The following HUNK variants were observed in gnomAD, a reference collection of about 807,000 sequenced individuals.
HUNK encodes hormonally up-regulated neu tumor-associated kinase.
A neutral mutation model predicts 61.0 loss-of-function variants in HUNK; 21 were observed. That is an observed-to-expected ratio of 0.34 (90% CI 0.24 to 0.50). The LOEUF (loss-of-function observed/expected upper bound fraction) is 0.50. HUNK is among the 20% of genes least tolerant of loss of function. The pLI is 0.98. For missense variants in HUNK, 772 were observed against 945.7 expected (o/e 0.82, Z 2.41); for synonymous variants, 371 against 386.1 (o/e 0.96, Z 0.46).
Position 31,999,378 on chromosome 21 carries a change from G to A in HUNK, c.*194G>A, listed in dbSNP as rs143357836. ...CCCAGAGATGCTGGAATCGCTAGGAGGGTTGGCTCCAGGGGCAGCCAATTC... is the reference window on the plus strand; with the variant it reads ...CCCAGAGATGCTGGAATCGCTAGGAAGGTTGGCTCCAGGGGCAGCCAATTC... On this transcript the variant is annotated 3_prime_UTR_variant, in exon 11 of 11. Transcript: ENST00000270112. 1,279 of 554,636 alleles carry A rather than the reference G, an allele frequency of 2.3e-3. 15 individuals carry two copies. The highest frequency in any genetic ancestry group is 0.021 in the African/African-American group (1,135 of 53,390). The allele number at this position is 554,636 out of a possible 1,614,324, so 34.4% of individuals were successfully genotyped here.
At chr21:31,896,473 A>C (rs1195450400) in intron 1 of HUNK, among the ~76,000 whole-genome samples, 1 of 152,214 alleles carries the variant, frequency 6.6e-6, no homozygotes, top group Non-Finnish European at 1.5e-5. Flanking sequence ...CGATACCTGG[A>C]AACAATCTCC....
chr21:31,886,209 G>C (rs2052344673), intron 1 of HUNK, among the ~76,000 whole-genome samples: 1 of 152,056 alleles, frequency 6.6e-6, no homozygotes. Context: ...ATCACCTGAG[G>C]TCAGGAGTTT....
chr21:31,999,442 A>C lies in HUNK; in HGVS notation c.*258A>C. 1 of 425,738 alleles carries C rather than the reference A, an allele frequency of 2.3e-6. No homozygotes were observed. The allele number at this position is 425,738 out of a possible 1,614,324, so 26.4% of individuals were successfully genotyped here. A position where few individuals can be genotyped will look rare whatever the true frequency, so the allele number is the denominator to read the frequency against. ...CTTCCTTCCTCCCAAGTACTCACCA[A>C]CCCCTTCCACTTCCCACTTCCCCCA... On this transcript the variant is annotated 3_prime_UTR_variant, in exon 11 of 11. Coordinates refer to ENST00000270112, the MANE Select transcript of HUNK (RefSeq NM_014586.2).
chr21:31,907,801 C>T (rs781411449), intron 1 of HUNK, among the ~76,000 whole-genome samples: 2 of 152,000 alleles, frequency 1.3e-5, no homozygotes, highest in Non-Finnish European at 2.9e-5. Context: ...ACCAGCCTGG[C>T]CAACATGGAG....
chr21:31,958,026 G>A lies in HUNK; in HGVS notation c.747-817G>A, dbSNP rs2052901043. ...TGTATTGTTTGGTCAGCCTTTTCCA[G>A]GTACCACCTTGTAAGCCATCCTTGG... is the stretch of plus-strand genomic sequence containing the variant. On this transcript the variant is annotated intron_variant, in intron 4 of 10. Transcript: ENST00000270112. Among the ~76,000 whole-genome samples the A allele has an allele frequency of 1.3e-5, 2 of 152,150 alleles. 1 individual carries two copies. The highest frequency in any genetic ancestry group is 4.1e-4 in the South Asian group (2 of 4,830).
chr21:31,939,399 G>GTTTTT lies in HUNK; in HGVS notation c.555-744_555-740dup, dbSNP rs398036365. On this transcript the variant is annotated intron_variant, in intron 2 of 10. Coordinates refer to ENST00000270112, the MANE Select transcript of HUNK (RefSeq NM_014586.2). ...TCATCAATTAAGTTGGCTTTCATGTGTTTTTTTTTTTTTTTTTTTTTTTTT... is the reference window on the plus strand; with the variant it reads ...TCATCAATTAAGTTGGCTTTCATGTGTTTTTTTTTTTTTTTTTTTTTTTTTTTTTT... Among the ~76,000 whole-genome samples, 3 of 66,720 alleles carry GTTTTT rather than the reference G, an allele frequency of 4.5e-5. 1 individual carries two copies. Among genetic ancestry groups the GTTTTT allele is most frequent in the African/African-American group, 1.4e-4 (2 of 14,054 alleles). 43.8% of individuals were successfully genotyped at this position (66,720 alleles called of 152,430 possible).
intron 3 of HUNK, 55 bp downstream of exon 3, chr21:31,940,275 GT>G: frequency 8.8e-7 from 1 of 1,132,992 alleles, no homozygotes; most frequent in Non-Finnish European, 1.3e-6. Context: ...TGTGTTGTCA[GT>G]TCTCAACTTT....
intron 2 of HUNK, among the ~76,000 whole-genome samples, chr21:31,934,981 A>C (rs1601386105): frequency 6.6e-6 from 1 of 152,040 alleles, no homozygotes; most frequent in African/African-American, 2.4e-5. Flanking sequence ...GGGTAGAATG[A>C]TTGATTTTCA....
rs928699384 is a variant in HUNK, at chr21:31,903,887, T to C, written c.262-20581T>C. On this transcript the variant is annotated intron_variant, in intron 1 of 10. Coordinates refer to ENST00000270112, the MANE Select transcript of HUNK (RefSeq NM_014586.2). ...ATCTAATGGGATCAACAGTATTGGT[T>C]GAAAGTCATTAGTTTCTTCTTTTTG... Among the ~76,000 whole-genome samples, 5 of 152,248 alleles carry C rather than the reference T, an allele frequency of 3.3e-5. No homozygotes were observed. In the East Asian group the frequency reaches 9.6e-4, roughly 29 times the overall value.
Position 31,998,649 on chromosome 21 carries a change from C to G in HUNK, c.1610C>G (p.Pro537Arg), listed in dbSNP as rs752844375. The change falls in exon 11 of 11, where the codon CCC becomes CGC. Residue 537 changes from proline to arginine, a missense_variant. Coordinates refer to ENST00000270112, the MANE Select transcript of HUNK (RefSeq NM_014586.2). ...CCGAGGATTGTGAAGAAACCGGAGC[C>G]CCATCAGCCAGGGCCCGGAAGCACT... ...RTPRIVKKPEPHQPGPGSTGI... is the reference protein window; with the variant it reads ...RTPRIVKKPERHQPGPGSTGI... 4 of 1,614,142 alleles carry G rather than the reference C, an allele frequency of 2.5e-6. No homozygotes were observed. In the South Asian group the frequency reaches 4.4e-5, roughly 18 times the overall value.
intron 1 of HUNK, among the ~76,000 whole-genome samples, chr21:31,902,043 A>G (rs2052471597): frequency 6.6e-6 from 1 of 152,184 alleles, no homozygotes; most frequent in Non-Finnish European, 1.5e-5. Flanking sequence ...GACCACAGTC[A>G]TGAAGCCATA....
chr21:31,899,562 C>T (rs898686152), intron 1 of HUNK, among the ~76,000 whole-genome samples: 2 of 152,204 alleles, frequency 1.3e-5, no homozygotes, highest in Non-Finnish European at 2.9e-5. Flanking sequence ...CAAATAAGGT[C>T]ACATTCTGAG....
chr21:31,879,547 G>A (rs1441965326), intron 1 of HUNK, among the ~76,000 whole-genome samples: 6 of 152,164 alleles, frequency 3.9e-5, no homozygotes, highest in East Asian at 1.9e-4. Context: ...GTGCAGAAAC[G>A]GTGCCCACGG....
rs1422986453 is a variant in HUNK, at chr21:32,003,419, C to T, written c.*4235C>T. The T allele has an allele frequency of 1.3e-5, 2 of 152,302 alleles. No homozygotes were observed. The highest frequency in any genetic ancestry group is 3.9e-4 in the East Asian group (2 of 5,178). The allele number at this position is 152,302 out of a possible 1,614,324, so 9.4% of individuals were successfully genotyped here. The stretch of plus-strand genomic sequence containing the variant: ...GTTTTACTAGATTAAATCAATAAAA[C>T]ATTTCCTATAGAGCCATATCATACA... On this transcript the variant is annotated 3_prime_UTR_variant, in exon 11 of 11. Transcript: ENST00000270112.
At chr21:31,932,765 C>G (rs1316519659) in intron 2 of HUNK, among the ~76,000 whole-genome samples, 1 of 152,060 alleles carries the variant, frequency 6.6e-6, no homozygotes, top group Non-Finnish European at 1.5e-5. Flanking sequence ...GTGGCCTCTT[C>G]TCTGCTGAGC....
At chr21:31,886,159 C>T (rs1047451082) in intron 1 of HUNK, among the ~76,000 whole-genome samples, 4 of 152,186 alleles carry the variant, frequency 2.6e-5, no homozygotes, top group African/African-American at 7.2e-5. Context: ...CAGTGGCTCA[C>T]GCCTATAATC....
chr21:31,913,864 C>T (rs1042721207), intron 1 of HUNK, among the ~76,000 whole-genome samples: 6 of 151,772 alleles, frequency 4.0e-5, no homozygotes, highest in African/African-American at 7.3e-5. Context: ...CTCCGGGTGC[C>T]AGGGACCCTG....
At chr21:31,968,204 C>T (rs1029425810) in intron 5 of HUNK, 46 bp from the exon 6 acceptor site, 13 of 1,611,356 alleles carry the variant, frequency 8.1e-6, no homozygotes, top group East Asian at 4.5e-5. Flanking sequence ...CTGGTGTCTG[C>T]GTTCAGCCTG....
chr21:31,992,976 T>C (rs577309178), intron 9 of HUNK, among the ~76,000 whole-genome samples: 1 of 152,312 alleles, frequency 6.6e-6, no homozygotes, highest in South Asian at 2.1e-4. Flanking sequence ...ATGAAATCAC[T>C]GATTCTTTTC....
Sources: gnomAD v4.1 joint callset for allele counts (sites outside exome capture counted in the v4.1 genomes callset) on GRCh38, gnomAD v4.1.1 for gene constraint, MANE v1.5 for transcripts, NCBI Gene and HGNC (gene_info 2026-07-23, HGNC 2026-07-21) for gene names.